GPC6: variants seen among roughly 807,000 people sequenced by gnomAD.
The protein encoded by GPC6 is glypican 6, also known as glypican-6.
A neutral mutation model predicts 55.2 loss-of-function variants in GPC6; 14 were observed. That is an observed-to-expected ratio of 0.25 (90% CI 0.17 to 0.40). The LOEUF (loss-of-function observed/expected upper bound fraction) is 0.40, where lower values mean the gene tolerates loss of function less well. GPC6 is among the 10% of genes least tolerant of loss of function. GPC6 has a pLI of 1.00. For synonymous variants in GPC6, 278 were observed against 259.6 expected (o/e 1.07, Z -0.68); for missense variants, 641 against 708.5 (o/e 0.90, Z 1.08).
chr13:94,195,617 A>G (rs1191115305), intron 4 of GPC6, among the ~76,000 whole-genome samples: 1 of 152,196 alleles, frequency 6.6e-6, no homozygotes, highest in Non-Finnish European at 1.5e-5. Flanking sequence ...TCTGCCCCAT[A>G]GGACTGTCAT....
intron 3 of GPC6, among the ~76,000 whole-genome samples, chr13:93,883,183 T>G (rs943875070): frequency 2.0e-5 from 3 of 150,868 alleles, no homozygotes; most frequent in African/African-American, 4.9e-5. Flanking sequence ...GCAAAAATAA[T>G]GCATGATCAA....
chr13:93,583,369 T>G, intron 2 of GPC6, among the ~76,000 whole-genome samples: 1 of 149,094 alleles, frequency 6.7e-6, no homozygotes, highest in African/African-American at 2.6e-5. Context: ...CGCGCGTGCG[T>G]ATGTGTGTGT....
intron 2 of GPC6, among the ~76,000 whole-genome samples, chr13:93,547,332 T>G (rs1002447866): frequency 1.3e-5 from 2 of 151,938 alleles, no homozygotes; most frequent in African/African-American, 4.8e-5. Flanking sequence ...GGCAACAGAG[T>G]GAGACTCTGT....
At chr13:93,349,624 C>T (rs12430581) in intron 1 of GPC6, among the ~76,000 whole-genome samples, 11,182 of 152,166 alleles carry the variant, frequency 0.073, 524 homozygotes, top group East Asian at 0.12. Flanking sequence ...TCTTTTAAAA[C>T]ATATTAATCT....
At chr13:93,534,044 G>A (rs1354941655) in intron 1 of GPC6, among the ~76,000 whole-genome samples, 2 of 152,022 alleles carry the variant, frequency 1.3e-5, no homozygotes, top group Non-Finnish European at 2.9e-5. Context: ...GACTGGCTCT[G>A]CTTGGCCTCG....
At chr13:94,342,790 TG>T (rs1878108661) in intron 6 of GPC6, among the ~76,000 whole-genome samples, 2 of 152,088 alleles carry the variant, frequency 1.3e-5, no homozygotes. Context: ...CGGGGTCCCT[TG>T]TGCTTCTCCC....
chr13:94,232,955 G>A (rs1016021670), intron 4 of GPC6, among the ~76,000 whole-genome samples: 1 of 140,426 alleles, frequency 7.1e-6, no homozygotes, highest in Non-Finnish European at 1.5e-5. Context: ...TTTAAATCCT[G>A]TAGGAATTCA....
intron 6 of GPC6, among the ~76,000 whole-genome samples, chr13:94,318,295 G>A (rs1217232288): frequency 6.6e-6 from 1 of 152,018 alleles, no homozygotes; most frequent in East Asian, 1.9e-4. Context: ...CTTTATCCAT[G>A]GAGGCTATGT....
At chr13:93,273,877 C>G (rs1313242624) in intron 1 of GPC6, among the ~76,000 whole-genome samples, 1 of 151,728 alleles carries the variant, frequency 6.6e-6, no homozygotes, top group African/African-American at 2.4e-5. Context: ...GGTGCGATCT[C>G]GGCTCACTGC....
intron 1 of GPC6, among the ~76,000 whole-genome samples, chr13:93,298,480 GT>G (rs1260085676): frequency 3.9e-5 from 6 of 152,134 alleles, no homozygotes. Context: ...TGTCACCCAG[GT>G]TGGAGTGCAG....
intron 1 of GPC6, among the ~76,000 whole-genome samples, chr13:93,439,540 C>T (rs936104541): frequency 2.4e-4 from 36 of 151,984 alleles, no homozygotes; most frequent in African/African-American, 7.5e-4. Flanking sequence ...TCAATTAATC[C>T]TCTTTCTTTT....
chr13:93,909,835 C>T (rs938025204), intron 3 of GPC6, among the ~76,000 whole-genome samples: 11 of 151,998 alleles, frequency 7.2e-5, no homozygotes, highest in East Asian at 3.9e-4. Flanking sequence ...AGATATTTTT[C>T]GATTTATATA....
chr13:94,171,896 G>A lies in GPC6; in HGVS notation c.878-114453G>A, dbSNP rs370415097. 1.1e-3 allele frequency among the ~76,000 whole-genome samples: 160 copies of A among 152,280 alleles called. 2 individuals are homozygous for A. The highest frequency in any genetic ancestry group is 3.8e-3 in the African/African-American group (157 of 41,558). Reference sequence around the variant, plus strand: ...AACCATGAAACTACAAAGTCCCGTGGCAGAAGCTCCATATGGAAGGTGTAC... The same window carrying A: ...AACCATGAAACTACAAAGTCCCGTGACAGAAGCTCCATATGGAAGGTGTAC... On this transcript the variant is annotated intron_variant, in intron 4 of 8. Transcript: ENST00000377047.
At chr13:93,686,107 A>C (rs938961919) in intron 2 of GPC6, among the ~76,000 whole-genome samples, 1 of 152,094 alleles carries the variant, frequency 6.6e-6, no homozygotes, top group African/African-American at 2.4e-5. Flanking sequence ...ATAAGTCAGC[A>C]TTTATCTTAT....
At chr13:93,920,645 G>A (rs74748829) in intron 3 of GPC6, among the ~76,000 whole-genome samples, 2 of 152,094 alleles carry the variant, frequency 1.3e-5, no homozygotes, top group East Asian at 1.9e-4. Context: ...TGTAGTCCAA[G>A]GCCATTCTAA....
intron 1 of GPC6, among the ~76,000 whole-genome samples, chr13:93,536,190 C>T (rs1165127481): frequency 6.6e-6 from 1 of 151,916 alleles, no homozygotes; most frequent in South Asian, 2.1e-4. Flanking sequence ...ACCTTTTGGG[C>T]CAAATTCACT....
chr13:93,961,093 C>G (rs568643685), intron 3 of GPC6, among the ~76,000 whole-genome samples: 1 of 152,092 alleles, frequency 6.6e-6, no homozygotes, highest in Admixed American at 6.5e-5. Flanking sequence ...GGATTACAGG[C>G]GTGAGCCACC....
intron 4 of GPC6, among the ~76,000 whole-genome samples, chr13:94,156,107 T>C (rs1887927453): frequency 6.6e-6 from 1 of 152,182 alleles, no homozygotes; most frequent in Non-Finnish European, 1.5e-5. Flanking sequence ...ATCTCTGCCA[T>C]AGGACATACT....
chr13:94,008,390 G>T (rs1197358558), intron 3 of GPC6, among the ~76,000 whole-genome samples: 2 of 152,066 alleles, frequency 1.3e-5, no homozygotes, highest in Admixed American at 6.6e-5. Flanking sequence ...AGTTTAAATA[G>T]ATGCCAGTAA....
Sources: gnomAD v4.1 joint callset for allele counts (sites outside exome capture counted in the v4.1 genomes callset) on GRCh38, gnomAD v4.1.1 for gene constraint, MANE v1.5 for transcripts, NCBI Gene and HGNC (gene_info 2026-07-23, HGNC 2026-07-21) for gene names.